The following PTPRD variants were observed in gnomAD, a reference collection of about 807,000 sequenced individuals.
The protein encoded by PTPRD is receptor-type tyrosine-protein phosphatase delta.
In PTPRD, 34 loss-of-function variants were observed where a neutral mutation model predicts 214.5. The ratio of observed to expected loss-of-function variants is 0.16; its 90% confidence interval spans 0.12 to 0.21. PTPRD has a LOEUF of 0.21. Among genes scored for constraint, PTPRD ranks in the 10% least tolerant of loss-of-function variants. PTPRD has a pLI of 1.00. For synonymous variants in PTPRD, 1,128 were observed against 845.7 expected (o/e 1.33, Z -5.79); for missense variants, 2,545 against 2,398.7 (o/e 1.06, Z -1.27).
At chr9:10,281,252 T>C (rs2095093447) in intron 3 of PTPRD, among the ~76,000 whole-genome samples, 3 of 151,964 alleles carry the variant, frequency 2.0e-5, no homozygotes, top group South Asian at 2.1e-4. Context: ...GAGTGGGAAA[T>C]GGTGGTTAGT....
At chr9:9,454,866 C>T (rs894516216) in intron 8 of PTPRD, among the ~76,000 whole-genome samples, 2 of 149,710 alleles carry the variant, frequency 1.3e-5, no homozygotes, top group Non-Finnish European at 3.0e-5. Flanking sequence ...TATATATATA[C>T]ATATTATGCA....
At chr9:10,520,043 A>G (rs2051635336) in intron 2 of PTPRD, among the ~76,000 whole-genome samples, 1 of 152,168 alleles carries the variant, frequency 6.6e-6, no homozygotes, top group African/African-American at 2.4e-5. Context: ...TAAGTATTCA[A>G]GTAAAAGGAA....
chr9:9,917,169 CA>C (rs374518006), intron 5 of PTPRD, among the ~76,000 whole-genome samples: 21 of 146,326 alleles, frequency 1.4e-4, no homozygotes, highest in African/African-American at 5.3e-4. Flanking sequence ...AAACTAAATC[CA>C]AAATTAGTAG....
At position 9,553,492 on chromosome 9, in the gene PTPRD, C is replaced by T. The variant is rs368483685; in HGVS notation, c.-237+21240G>A. Among the ~76,000 whole-genome samples the T allele has an allele frequency of 1.7e-3, 251 of 151,970 alleles. 10 individuals carry two copies. In the South Asian group the frequency reaches 0.051, roughly 31 times the overall value. On this transcript the variant is annotated intron_variant, in intron 8 of 45. Coordinates refer to ENST00000381196, the MANE Select transcript of PTPRD (RefSeq NM_002839.4). ...AATAATTAAGACAACTGCCCAAACT[C>T]TATAAGTAGAAGGTAGAAAAACTCG...
intron 7 of PTPRD, among the ~76,000 whole-genome samples, chr9:9,695,416 T>A (rs1006677493): frequency 6.6e-6 from 1 of 152,154 alleles, no homozygotes; most frequent in Non-Finnish European, 1.5e-5. Flanking sequence ...GGGGGAAGGA[T>A]TGTGCAAACC....
rs143393731 is a variant in PTPRD at position 8,376,630 on chromosome 9, C to A, written c.4483G>T (p.Val1495Phe). ...ACCTTGTAAAGTGCAAATGTTCGAA[C>A]ACAATATGTGGCCAGCTCCACAGTA... ...LDTVELATYC[V>F]RTFALYKNGS... Residue 1495 changes from valine to phenylalanine, a missense_variant, in exon 38 of 46, where the codon GTT becomes TTT. Physicochemically the swap from Val to Phe is conservative, Grantham distance 50. Transcript: ENST00000381196. 1.2e-6 allele frequency: 2 copies of A among 1,612,970 alleles called. No individual in the cohort carries two copies. Among genetic ancestry groups the A allele is most frequent in the African/African-American group, 1.3e-5 (1 of 74,944 alleles).
At chr9:9,957,794 A>G (rs1202936877) in intron 4 of PTPRD, among the ~76,000 whole-genome samples, 1 of 152,132 alleles carries the variant, frequency 6.6e-6, no homozygotes, top group African/African-American at 2.4e-5. Context: ...CTTACTAAAA[A>G]TCTACAGTAA....
intron 12 of PTPRD, among the ~76,000 whole-genome samples, chr9:8,641,983 A>G (rs72698282): frequency 0.069 from 10,534 of 152,180 alleles, 1,104 homozygotes; most frequent in African/African-American, 0.23. Flanking sequence ...TGTCCTTAAC[A>G]AACTGCCGTA....
chr9:9,083,212 C>T (rs1457933586), intron 10 of PTPRD, among the ~76,000 whole-genome samples: 1 of 152,088 alleles, frequency 6.6e-6, no homozygotes, highest in Non-Finnish European at 1.5e-5. Context: ...ATATATAGAA[C>T]AATGGAACAG....
chr9:8,825,208 C>A (rs1229669154), intron 11 of PTPRD, among the ~76,000 whole-genome samples: 2 of 152,092 alleles, frequency 1.3e-5, no homozygotes, highest in Non-Finnish European at 2.9e-5. Flanking sequence ...GTTAGAAACC[C>A]TGTATAGGGA....
intron 8 of PTPRD, among the ~76,000 whole-genome samples, chr9:9,515,240 A>G (rs1320457477): frequency 6.6e-6 from 1 of 152,060 alleles, no homozygotes; most frequent in South Asian, 2.1e-4. Context: ...CTCCGCACAT[A>G]CCATATAATC....
At chr9:8,657,074 A>T (rs777448033) in intron 12 of PTPRD, among the ~76,000 whole-genome samples, 3 of 151,952 alleles carry the variant, frequency 2.0e-5, no homozygotes, top group Non-Finnish European at 2.9e-5. Context: ...CATTTCTCTA[A>T]TGATCAGTGA....
intron 12 of PTPRD, among the ~76,000 whole-genome samples, chr9:8,683,886 G>C (rs1362171901): frequency 6.6e-6 from 1 of 152,204 alleles, no homozygotes; most frequent in Non-Finnish European, 1.5e-5. Flanking sequence ...CTACTCCGAA[G>C]CTGCCATGCT....
chr9:9,193,511 A>T (rs2099936497), intron 9 of PTPRD, among the ~76,000 whole-genome samples: 1 of 152,172 alleles, frequency 6.6e-6, no homozygotes, highest in African/African-American at 2.4e-5. Context: ...ACACAAACTT[A>T]GGTGGTATAG....
intron 39 of PTPRD, among the ~76,000 whole-genome samples, chr9:8,374,698 G>A (rs1270472767): frequency 6.6e-6 from 1 of 151,896 alleles, no homozygotes; most frequent in Non-Finnish European, 1.5e-5. Context: ...AAAGCATAGG[G>A]GAGTGCTTTG....
At chr9:9,532,412 C>T (rs2075682922) in intron 8 of PTPRD, among the ~76,000 whole-genome samples, 1 of 152,136 alleles carries the variant, frequency 6.6e-6, no homozygotes, top group Non-Finnish European at 1.5e-5. Context: ...AAACTGGCGT[C>T]CTGCCCAATC....
At chr9:9,031,736 AG>A (rs1055444412) in intron 10 of PTPRD, among the ~76,000 whole-genome samples, 2 of 152,070 alleles carry the variant, frequency 1.3e-5, no homozygotes, top group Admixed American at 6.6e-5. Context: ...GAGTACAAAT[AG>A]GAAAGAGACA....
At chr9:9,934,461 A>C (rs993639587) in intron 5 of PTPRD, among the ~76,000 whole-genome samples, 6 of 140,674 alleles carry the variant, frequency 4.3e-5, no homozygotes, top group Non-Finnish European at 9.3e-5. Flanking sequence ...TATGCAAATA[A>C]ACTAGAAAAT....
chr9:9,754,323 T>C (rs528336751), intron 6 of PTPRD, among the ~76,000 whole-genome samples: 5 of 152,200 alleles, frequency 3.3e-5, no homozygotes, highest in Admixed American at 6.6e-5. Flanking sequence ...ACTGGATGAC[T>C]TGTAAACTTT....
Sources: gnomAD v4.1 joint callset for allele counts (sites outside exome capture counted in the v4.1 genomes callset) on GRCh38, gnomAD v4.1.1 for gene constraint, MANE v1.5 for transcripts, NCBI Gene and HGNC (gene_info 2026-07-23, HGNC 2026-07-21) for gene names.